The following PTPRH variants were observed in gnomAD, a reference collection of about 807,000 sequenced individuals.
The protein encoded by PTPRH is protein tyrosine phosphatase receptor type H.
A neutral mutation model predicts 130.2 loss-of-function variants in PTPRH; 113 were observed. That is an observed-to-expected ratio of 0.87 (90% CI 0.75 to 1.01). PTPRH has a LOEUF of 1.01. Ranked by LOEUF, PTPRH falls within the 50% of genes least tolerant of loss-of-function variation. The probability of loss-of-function intolerance (pLI) is 0.00; values close to 1 mark genes in which losing one functional copy is unlikely to be tolerated. For synonymous variants in PTPRH, 556 were observed against 577.9 expected, an observed-to-expected ratio of 0.96 and a Z score of 0.54; for missense variants, 1,430 against 1,425.0, an observed-to-expected ratio of 1.00 and a Z score of -0.06.
intron 2 of PTPRH, 71 bp downstream of exon 2, chr19:55,207,095 C>T (rs546229573): frequency 6.2e-7 from 1 of 1,600,670 alleles, no homozygotes; most frequent in East Asian, 2.2e-5. Flanking sequence ...CACGGGGACC[C>T]CCCAGAGGCT....
chr19:55,205,676 AG>A (rs1444316054), intron 3 of PTPRH, 84 bp from the exon 4 acceptor site: 1 of 1,567,536 alleles, frequency 6.4e-7, no homozygotes. Flanking sequence ...TGCATCCAGC[AG>A]GTAGAGGCAG....
rs147064563 is a variant in PTPRH at position 55,196,558 on chromosome 19, C to G, written c.2221G>C (p.Val741Leu). 1 of 1,613,234 alleles carries G rather than the reference C, an allele frequency of 6.2e-7. No individual in the cohort carries two copies. Among genetic ancestry groups the G allele is most frequent in the Non-Finnish European group, 8.5e-7 (1 of 1,179,952 alleles). ...GTGTGGCAGACCACAGAGTGAGACA[C>G]GACCTTCATTCCGTCCCAGATGGTC... ...ITTIWDGMKV[V>L]SHSVVCHTES... The change falls in exon 10 of 20, where the codon GTG (valine) becomes CTG (leucine). Residue 741 changes from valine (V) to leucine (L), a missense_variant. Transcript: ENST00000376350.
Position 55,206,952 on chromosome 19 carries a change from G to A in PTPRH, c.89C>T (p.Pro30Leu). 5 of 1,590,646 alleles carry A rather than the reference G, an allele frequency of 3.1e-6. No homozygotes were observed. Among genetic ancestry groups the A allele is most frequent in the Non-Finnish European group, 4.3e-6 (5 of 1,165,754 alleles). Residue 30 changes from proline to leucine, a missense_variant, in exon 3 of 20, where the codon CCC becomes CTC. Coordinates refer to ENST00000376350, the MANE Select transcript of PTPRH (RefSeq NM_002842.5). ...CSWTGARAPA[P>L]NPGRNLTVET... Reference sequence around the variant, plus strand: ...CACTGTCAGGTTCCTCCCTGGGTTGGGGGCTGAGAATTGGGAAGGAAGGTC... The same window carrying A: ...CACTGTCAGGTTCCTCCCTGGGTTGAGGGCTGAGAATTGGGAAGGAAGGTC...
chr19:55,197,536 G>A (rs2086726401), intron 8 of PTPRH, 120 bp from the exon 9 acceptor site: 1 of 943,426 alleles, frequency 1.1e-6, no homozygotes, highest in East Asian at 2.5e-5. Context: ...AGTGGCTAAG[G>A]AGGCTGAACC....
rs1245729782 is a variant in PTPRH, at chr19:55,200,246, G to A, written c.1410C>T (p.Ser470=). ...NGARGSRQNV[S]ISTVPNAVTS... is the part of the protein sequence containing the mutation. ...GTTGAGGGTTCCTACCTGTGGAGAT[G>A]CTGACATTCTGCCTGGAGCCACGTG... is the stretch of plus-strand genomic sequence containing the variant. Residue 470 remains serine, a synonymous_variant, in exon 7 of 20, where the codon AGC becomes AGT. Transcript: ENST00000376350. The A allele has an allele frequency of 6.2e-7, 1 of 1,614,084 alleles. No homozygotes were observed. The highest frequency in any genetic ancestry group is 1.3e-5 in the African/African-American group (1 of 74,934).
intron 12 of PTPRH, among the ~76,000 whole-genome samples, chr19:55,188,798 C>T (rs185384332): frequency 1.1e-4 from 17 of 152,260 alleles, no homozygotes; most frequent in African/African-American, 3.4e-4. Context: ...TGCACTGTTC[C>T]GGAACACCCA....
chr19:55,203,326 CAA>C (rs531285040), intron 5 of PTPRH, among the ~76,000 whole-genome samples: 6 of 75,140 alleles, frequency 8.0e-5, no homozygotes, highest in Admixed American at 1.6e-4. Flanking sequence ...GACTCTGTCT[CAA>C]AAAAAAAAAA....
Position 55,209,332 on chromosome 19 carries a change from A to G in PTPRH, c.51+51T>C. On this transcript the variant is annotated intron_variant, in intron 1 of 19. Coordinates refer to ENST00000376350, the MANE Select transcript of PTPRH (RefSeq NM_002842.5). This position sits in a 1 kb window ranked among gnomAD's most constrained non-coding sequence, Gnocchi z 4.1. ...GCAGGCACCCAGCTCCTTCTCCCTC[A>G]GACCTGGGAGTCCCTGCCTTGGGAG... The G allele has an allele frequency of 6.6e-7, 1 of 1,506,252 alleles. No individual in the cohort carries two copies. The highest frequency in any genetic ancestry group is 9.0e-7 in the Non-Finnish European group (1 of 1,104,976). 93.3% of individuals were successfully genotyped at this position (1,506,252 alleles called of 1,614,324 possible).
intron 2 of PTPRH, 42 bp from the exon 3 acceptor site, chr19:55,206,997 T>C: frequency 6.4e-7 from 1 of 1,564,792 alleles, no homozygotes; most frequent in South Asian, 1.2e-5. Flanking sequence ...GGGAACCAGG[T>C]CAGTACAATC....
chr19:55,201,851 C>G (rs1385788476), intron 6 of PTPRH, among the ~76,000 whole-genome samples: 1 of 152,238 alleles, frequency 6.6e-6, no homozygotes, highest in Non-Finnish European at 1.5e-5. Flanking sequence ...GTCCTAGACA[C>G]AGACTGGCCC....
At chr19:55,207,324 C>T (rs1471635412) in intron 1 of PTPRH, 125 bp from the exon 2 acceptor site, 23 of 1,047,972 alleles carry the variant, frequency 2.2e-5, no homozygotes, top group African/African-American at 1.9e-4. Flanking sequence ...AAGGAGGGGC[C>T]GGTGTTAGGC....
Position 55,187,089 on chromosome 19 carries a change from T to A in PTPRH, c.2566+424A>T, listed in dbSNP as rs537346667. ...GGCCGGGCGCAGTGGCTCACGCCCGTAATCCCAGCACTTTGGGAGGCCGAG... is the reference window on the plus strand; with the variant it reads ...GGCCGGGCGCAGTGGCTCACGCCCGAAATCCCAGCACTTTGGGAGGCCGAG... On this transcript the variant is annotated intron_variant, in intron 14 of 19. Transcript: ENST00000376350. Among the ~76,000 whole-genome samples the A allele has an allele frequency of 1.2e-4, 18 of 147,816 alleles. 1 individual carries two copies. The South Asian group carries it at 3.0e-3, about 25-fold the overall frequency.
At position 55,209,277 on chromosome 19, in the gene PTPRH, C is replaced by A; in HGVS notation, c.51+106G>T. ...AAGCCCTCTTCCTTCTCCAGGGGAT[C>A]TTCAGCACCTACTTCCTCAAGATCG... On this transcript the variant is annotated intron_variant, in intron 1 of 19. Coordinates refer to ENST00000376350, the MANE Select transcript of PTPRH (RefSeq NM_002842.5). The surrounding 1 kb of genome is among the most constrained non-coding windows in gnomAD (Gnocchi z 4.1). 1 of 980,498 alleles carries A rather than the reference C, an allele frequency of 1.0e-6. No individual in the cohort carries two copies. Among genetic ancestry groups the A allele is most frequent in the Admixed American group, 2.0e-5 (1 of 50,054 alleles). The allele number at this position is 980,498 out of a possible 1,614,324, so 60.7% of individuals were successfully genotyped here.
In PTPRH at chr19:55,204,005, G is replaced by A. The variant is rs759438735; in HGVS notation, c.663C>T (p.Thr221=). 1 of 1,614,160 alleles carries A rather than the reference G, an allele frequency of 6.2e-7. No homozygotes were observed. The change falls in exon 5 of 20, where the codon ACC becomes ACT. Residue 221 remains threonine, a synonymous_variant. Transcript: ENST00000376350. ...CCTCCCAGCTCAGGGAGATGGAGCT[G>A]GTGGTCTGAGCCTCCACTCTCAGGT... is the stretch of plus-strand genomic sequence containing the variant. ...VRNLRVEAQT[T]SSISLSWEVP...
Position 55,202,222 on chromosome 19 carries a change from G to C in PTPRH, c.987C>G (p.Thr329=), listed in dbSNP as rs776683262. Residue 329 remains threonine, a synonymous_variant, in exon 6 of 20, where the codon ACC becomes ACG. Coordinates refer to ENST00000376350, the MANE Select transcript of PTPRH (RefSeq NM_002842.5). ...VPDGPDPQNS[T]YGVEYTGDGG... ...CATCTCCAGTGTACTCAACCCCGTA[G>C]GTGGAGTTCTGTGGGTCTGGGCCAT... is the stretch of plus-strand genomic sequence containing the variant. The C allele has an allele frequency of 5.5e-5, 88 of 1,614,220 alleles. No homozygotes were observed. The highest frequency in any genetic ancestry group is 7.3e-5 in the Non-Finnish European group (86 of 1,180,048).
chr19:55,181,921 G>C lies in PTPRH; in HGVS notation c.3199-18C>G. 1 of 1,614,212 alleles carries C rather than the reference G, an allele frequency of 6.2e-7. No individual in the cohort carries two copies. Among genetic ancestry groups the C allele is most frequent in the Non-Finnish European group, 8.5e-7 (1 of 1,180,016 alleles). ...TACTGAGCCTGGGAAGCAGGCACGG[G>C]AGTGAGAGGCGTCCCCCCAGGTCTG... On this transcript the variant is annotated intron_variant, in intron 19 of 19. Coordinates refer to ENST00000376350, the MANE Select transcript of PTPRH (RefSeq NM_002842.5).
chr19:55,184,992 C>T (rs548040527), intron 18 of PTPRH, among the ~76,000 whole-genome samples: 1 of 151,510 alleles, frequency 6.6e-6, no homozygotes, highest in African/African-American at 2.4e-5. Flanking sequence ...TTTACCTTTT[C>T]ATCTTTCTTT....
rs1230823335 is a variant in PTPRH, at chr19:55,205,510, T to C, written c.435A>G (p.Pro145=). The C allele has an allele frequency of 6.2e-7, 1 of 1,614,108 alleles. No individual in the cohort carries two copies. Among genetic ancestry groups the C allele is most frequent in the Admixed American group, 1.7e-5 (1 of 60,004 alleles). Residue 145 remains proline, a synonymous_variant, in exon 4 of 20, where the codon CCA becomes CCG. Transcript: ENST00000376350. ...IALTWEVPDG[P]DPQNSTYGVE... ...CCCCGTAGGTGGAGTTCTGTGGGTC[T>C]GGGCCGTCGGGGACCTCCCAGGTCA...
chr19:55,196,489 T>A, intron 10 of PTPRH, 33 bp downstream of exon 10: 1 of 1,588,028 alleles, frequency 6.3e-7, no homozygotes, highest in Admixed American at 1.7e-5. Context: ...GAGAATTTCA[T>A]CATAGCTGGC....
Sources: allele counts gnomAD v4.1 joint callset (sites outside exome capture counted in the v4.1 genomes callset), GRCh38; gene constraint gnomAD v4.1.1; non-coding constraint Gnocchi (gnomAD v3.1); transcripts MANE v1.5; gene names NCBI Gene and HGNC (gene_info 2026-07-23, HGNC 2026-07-21).